PCDH15: variants seen among roughly 807,000 people sequenced by gnomAD.
PCDH15 encodes protocadherin related 15.
Under a neutral mutation model 178.5 loss-of-function variants are expected in PCDH15, and 129 were observed. The ratio of observed to expected loss-of-function variants is 0.72; its 90% confidence interval spans 0.63 to 0.84. The LOEUF (loss-of-function observed/expected upper bound fraction) is 0.84. Ranked by LOEUF, PCDH15 falls within the 40% of genes least tolerant of loss-of-function variation. The pLI, the probability that PCDH15 is intolerant of heterozygous loss-of-function variation, is 0.00. For synonymous variants in PCDH15, 800 were observed against 732.0 expected (o/e 1.09, Z -1.50); for missense variants, 2,230 against 2,099.9 (o/e 1.06, Z -1.21).
chr10:55,216,071 T>G (rs2132176885), intron 1 of PCDH15, among the ~76,000 whole-genome samples: 1 of 152,030 alleles, frequency 6.6e-6, no homozygotes, highest in South Asian at 2.1e-4. Flanking sequence ...TCTGTGCCAA[T>G]TTTTCCTTAC....
intron 1 of PCDH15, among the ~76,000 whole-genome samples, chr10:55,221,671 T>C (rs886706636): frequency 6.6e-6 from 1 of 152,038 alleles, no homozygotes; most frequent in African/African-American, 2.4e-5. Context: ...GTGTGATGTT[T>C]AACTGAAGGT....
chr10:54,775,758 G>C (rs187318438), intron 1 of PCDH15, among the ~76,000 whole-genome samples: 4 of 152,096 alleles, frequency 2.6e-5, no homozygotes, highest in African/African-American at 9.7e-5. Flanking sequence ...GGTGGCGGGC[G>C]CCTGTAGTCC....
chr10:54,158,000 T>C (rs1371363942), intron 13 of PCDH15, among the ~76,000 whole-genome samples: 1 of 152,188 alleles, frequency 6.6e-6, no homozygotes, highest in Non-Finnish European at 1.5e-5. Context: ...TCCACATCAC[T>C]ATCAGCATTT....
At chr10:54,277,785 C>G (rs1178045377) in intron 8 of PCDH15, among the ~76,000 whole-genome samples, 1 of 151,394 alleles carries the variant, frequency 6.6e-6, no homozygotes, top group East Asian at 1.9e-4. Flanking sequence ...ATTTTAAAAA[C>G]TAGGTGGGGA....
At chr10:55,299,891 C>G (rs964720426) in intron 1 of PCDH15, among the ~76,000 whole-genome samples, 12 of 152,070 alleles carry the variant, frequency 7.9e-5, no homozygotes, top group African/African-American at 2.9e-4. Context: ...GTTGGGTTAA[C>G]AATGAATGGT....
intron 1 of PCDH15, among the ~76,000 whole-genome samples, chr10:55,205,166 A>C (rs1305519394): frequency 6.6e-6 from 1 of 152,078 alleles, no homozygotes; most frequent in Non-Finnish European, 1.5e-5. Context: ...AGAAATATTA[A>C]AATAAACCAC....
intron 1 of PCDH15, among the ~76,000 whole-genome samples, chr10:55,182,639 A>C (rs1425778109): frequency 6.6e-6 from 1 of 152,036 alleles, no homozygotes; most frequent in African/African-American, 2.4e-5. Context: ...AACAGTAAGT[A>C]ATACATAAGT....
chr10:55,605,142 C>G (rs1484561580), intron 2 of PCDH15, among the ~76,000 whole-genome samples: 4 of 151,304 alleles, frequency 2.6e-5, no homozygotes, highest in Non-Finnish European at 5.9e-5. Flanking sequence ...ACTAGAAAAT[C>G]TACAAGAAAT....
chr10:54,390,891 A>G (rs1950473744), intron 3 of PCDH15, among the ~76,000 whole-genome samples: 2 of 152,146 alleles, frequency 1.3e-5, no homozygotes, highest in Non-Finnish European at 2.9e-5. Flanking sequence ...TCATGTCTCA[A>G]TGTCCCTTTT....
upstream of PCDH15, among the ~76,000 whole-genome samples, chr10:55,322,158 G>A (rs1843917912): frequency 2.0e-5 from 3 of 152,198 alleles, no homozygotes; most frequent in African/African-American, 7.2e-5. Flanking sequence ...TAAGTATCAT[G>A]AGGTCTGATG....
chr10:54,566,517 T>G (rs2089058690), intron 2 of PCDH15, among the ~76,000 whole-genome samples: 1 of 152,168 alleles, frequency 6.6e-6, no homozygotes, highest in African/African-American at 2.4e-5. Context: ...CACAACCCCC[T>G]GACAATCACT....
At chr10:55,574,475 T>C (rs979012709) in intron 2 of PCDH15, among the ~76,000 whole-genome samples, 1 of 152,004 alleles carries the variant, frequency 6.6e-6, no homozygotes, top group African/African-American at 2.4e-5. Context: ...CAAAACAATG[T>C]CAGAGTATTG....
chr10:54,658,368 A>G, intron 2 of PCDH15, among the ~76,000 whole-genome samples: 1 of 152,152 alleles, frequency 6.6e-6, no homozygotes, highest in East Asian at 1.9e-4. Flanking sequence ...AAAGAAAAAA[A>G]TCTTAAACAG....
chr10:54,520,368 A>G (rs1406959751), intron 3 of PCDH15, among the ~76,000 whole-genome samples: 2 of 152,136 alleles, frequency 1.3e-5, no homozygotes, highest in Admixed American at 6.6e-5. Context: ...AATTTACAAG[A>G]AAAAAACAAA....
intron 6 of PCDH15, among the ~76,000 whole-genome samples, chr10:54,336,661 C>A (rs1941221863): frequency 1.3e-5 from 2 of 152,164 alleles, no homozygotes. Flanking sequence ...ATGGAAATGC[C>A]TGGATGTCCA....
intron 25 of PCDH15, among the ~76,000 whole-genome samples, chr10:53,905,637 G>A (rs921738516): frequency 1.3e-5 from 2 of 151,898 alleles, no homozygotes; most frequent in African/African-American, 2.4e-5. Context: ...ATGCCTGGCC[G>A]ACAATTCTTA....
chr10:54,238,847 T>A (rs1194340886), intron 8 of PCDH15, among the ~76,000 whole-genome samples: 1 of 152,088 alleles, frequency 6.6e-6, no homozygotes, highest in Non-Finnish European at 1.5e-5. Flanking sequence ...TCTAGTAATT[T>A]CACTGAGGAA....
At chr10:54,875,263 T>A (rs1954119534) in intron 3 of PCDH15, among the ~76,000 whole-genome samples, 1 of 152,136 alleles carries the variant, frequency 6.6e-6, no homozygotes, top group African/African-American at 2.4e-5. Context: ...GCAAACCATA[T>A]CCATATAAGA....
intron 2 of PCDH15, among the ~76,000 whole-genome samples, chr10:54,933,828 C>T (rs935428964): frequency 3.3e-5 from 5 of 152,102 alleles, no homozygotes; most frequent in Non-Finnish European, 5.9e-5. Flanking sequence ...TGTAATAACT[C>T]TGAAAGCTGT....
Sources: allele counts gnomAD v4.1 joint callset (sites outside exome capture counted in the v4.1 genomes callset), GRCh38; gene constraint gnomAD v4.1.1; transcripts MANE v1.5; gene names NCBI Gene and HGNC (gene_info 2026-07-23, HGNC 2026-07-21).